TCEA3: variants seen among roughly 807,000 people sequenced by gnomAD.
TCEA3 encodes the protein transcription elongation factor A protein 3.
In TCEA3, 36 loss-of-function variants were observed where a neutral mutation model predicts 44.0. The observed-to-expected ratio is 0.82, with a 90% confidence interval of 0.63 to 1.08. The LOEUF (loss-of-function observed/expected upper bound fraction) is 1.08, where lower values mean the gene tolerates loss of function less well. Ranked by LOEUF, TCEA3 falls within the 50% of genes least tolerant of loss-of-function variation. The pLI is 0.00. For missense variants in TCEA3, 392 were observed against 441.2 expected (o/e 0.89, Z 1.00); for synonymous variants, 162 against 159.7 (o/e 1.01, Z -0.11).
At chr1:23,421,301 G>C (rs896665540) in intron 1 of TCEA3, among the ~76,000 whole-genome samples, 25 of 152,162 alleles carry the variant, frequency 1.6e-4, no homozygotes, top group Admixed American at 1.4e-3. Flanking sequence ...ATCCAAGAAA[G>C]AGAGAGGTTA....
intron 8 of TCEA3, among the ~76,000 whole-genome samples, chr1:23,392,475 C>CCA (rs1639076499): frequency 2.5e-4 from 3 of 11,846 alleles, no homozygotes; most frequent in African/African-American, 1.2e-3. Flanking sequence ...ATCATACACA[C>CCA]CACACACTCC....
chr1:23,408,014 T>C (rs1162226457), intron 5 of TCEA3, among the ~76,000 whole-genome samples: 1 of 152,178 alleles, frequency 6.6e-6, no homozygotes, highest in African/African-American at 2.4e-5. Context: ...CAGGTTGGAT[T>C]GCAGTGGCGC....
At chr1:23,384,255 CAAG>C (rs1179920335) in intron 10 of TCEA3, 88 bp downstream of exon 10, 1 of 1,606,438 alleles carries the variant, frequency 6.2e-7, no homozygotes, top group Admixed American at 1.7e-5. Context: ...CTGCCATGCA[CAAG>C]GCCCCTTCTG....
At chr1:23,408,994 T>A (rs1260746908) in intron 4 of TCEA3, among the ~76,000 whole-genome samples, 1 of 152,100 alleles carries the variant, frequency 6.6e-6, no homozygotes, top group Non-Finnish European at 1.5e-5. Context: ...ATGGGTTGTG[T>A]TGCTCATTAT....
chr1:23,417,118 G>T, intron 4 of TCEA3, 131 bp downstream of exon 4: 1 of 1,133,564 alleles, frequency 8.8e-7, no homozygotes, highest in Non-Finnish European at 1.2e-6. Context: ...CCCCAGAGGG[G>T]GCACTGCAGG....
At chr1:23,392,565 G>GTCATACAC (rs1639085922) in intron 8 of TCEA3, among the ~76,000 whole-genome samples, 1 of 2,892 alleles carries the variant, frequency 3.5e-4, no homozygotes, top group Non-Finnish European at 8.2e-4. Context: ...CCACACATCA[G>GTCATACAC]ACACACACAC....
At chr1:23,398,161 G>A (rs975667710) in intron 5 of TCEA3, among the ~76,000 whole-genome samples, 2 of 152,032 alleles carry the variant, frequency 1.3e-5, no homozygotes, top group Non-Finnish European at 2.9e-5. Flanking sequence ...ATCCCCATTC[G>A]AGAGATGCAT....
At chr1:23,393,478 C>G (rs1229828651) in intron 8 of TCEA3, among the ~76,000 whole-genome samples, 1 of 152,112 alleles carries the variant, frequency 6.6e-6, no homozygotes, top group Non-Finnish European at 1.5e-5. Context: ...GACACGCACT[C>G]CACACGTACA....
At chr1:23,392,476 C>T (rs1481375676) in intron 8 of TCEA3, among the ~76,000 whole-genome samples, 42 of 1,908 alleles carry the variant, frequency 0.022, no homozygotes, top group East Asian at 0.032. Flanking sequence ...TCATACACAC[C>T]ACACACTCCA....
intron 5 of TCEA3, among the ~76,000 whole-genome samples, chr1:23,401,649 C>T (rs1294071655): frequency 3.3e-5 from 5 of 152,196 alleles, no homozygotes; most frequent in Non-Finnish European, 7.3e-5. Context: ...ACTGGTTTCC[C>T]TGTGTCCTCT....
At chr1:23,387,646 C>A (rs1018447923) in intron 8 of TCEA3, among the ~76,000 whole-genome samples, 3 of 152,214 alleles carry the variant, frequency 2.0e-5, no homozygotes, top group African/African-American at 7.2e-5. Context: ...TTCAGGTGAG[C>A]AGCAGGCAAA....
Position 23,400,213 on chromosome 1 carries a change from T to C in TCEA3, c.444-2258A>G, listed in dbSNP as rs1174266456. Among the ~76,000 whole-genome samples, 4 of 152,094 alleles carry C rather than the reference T, an allele frequency of 2.6e-5. No individual in the cohort carries two copies. The East Asian group carries it at 5.8e-4, about 22-fold the overall frequency. ...TTTTGGTAACCCTAAAAGTCACAAA[T>C]TACTGGGCCCATTTTACAGATGATG... On this transcript the variant is annotated intron_variant, in intron 5 of 10. Coordinates refer to ENST00000450454, the MANE Select transcript of TCEA3 (RefSeq NM_003196.3).
Position 23,399,572 on chromosome 1 carries a change from A to C in TCEA3, c.444-1617T>G, listed in dbSNP as rs79643427. Among the ~76,000 whole-genome samples the C allele has an allele frequency of 7.8e-3, 1,186 of 151,994 alleles. 23 individuals are homozygous for C. The highest frequency in any genetic ancestry group is 0.026 in the African/African-American group (1,095 of 41,442). Reference sequence around the variant, plus strand: ...CATGTTAATAGCAATTATCTCTCTGAGGTGGAATGATAGGAGATTTTCATT... The same window carrying C: ...CATGTTAATAGCAATTATCTCTCTGCGGTGGAATGATAGGAGATTTTCATT... On this transcript the variant is annotated intron_variant, in intron 5 of 10. Transcript: ENST00000450454.
chr1:23,397,647 G>C (rs759379596), intron 6 of TCEA3, 46 bp from the exon 7 acceptor site: 1 of 1,607,378 alleles, frequency 6.2e-7, no homozygotes, highest in Admixed American at 1.7e-5. Flanking sequence ...ACACAACGTA[G>C]GCAGTGAAGC....
chr1:23,407,595 T>C (rs1057118055), intron 5 of TCEA3, among the ~76,000 whole-genome samples: 1 of 152,022 alleles, frequency 6.6e-6, no homozygotes, highest in African/African-American at 2.4e-5. Context: ...TGCCTAACGA[T>C]CACTTCCTCG....
chr1:23,418,376 A>G (rs928957069), intron 2 of TCEA3: 10 of 211,042 alleles, frequency 4.7e-5, no homozygotes, highest in African/African-American at 2.3e-4. Flanking sequence ...CAGTGGTGCA[A>G]TCTCAGCTCA....
chr1:23,408,489 C>T (rs1394434657), intron 5 of TCEA3, 175 bp downstream of exon 5: 1 of 572,564 alleles, frequency 1.7e-6, no homozygotes, highest in East Asian at 3.0e-5. Context: ...TCCAGAGGGT[C>T]CCCCAGGGCT....
intron 9 of TCEA3, among the ~76,000 whole-genome samples, chr1:23,387,015 C>G (rs1054194322): frequency 6.6e-6 from 1 of 152,270 alleles, no homozygotes; most frequent in South Asian, 2.1e-4. Flanking sequence ...CCACCGCGCC[C>G]GGCATTTTTG....
intron 1 of TCEA3, among the ~76,000 whole-genome samples, chr1:23,423,428 T>G (rs758379213): frequency 6.6e-6 from 1 of 152,200 alleles, no homozygotes; most frequent in Non-Finnish European, 1.5e-5. Flanking sequence ...CTGGCCTTTA[T>G]ATGGACACCA....
Sources: allele counts gnomAD v4.1 joint callset (sites outside exome capture counted in the v4.1 genomes callset), GRCh38; gene constraint gnomAD v4.1.1; transcripts MANE v1.5; gene names NCBI Gene and HGNC (gene_info 2026-07-23, HGNC 2026-07-21).